GLIS1: variants seen among roughly 807,000 people sequenced by gnomAD.
GLIS1 encodes GLIS family zinc finger 1.
In GLIS1, 24 loss-of-function variants were observed where a neutral mutation model predicts 63.8. The observed-to-expected ratio is 0.38, with a 90% CI of 0.27 to 0.53. GLIS1 has a LOEUF of 0.53. GLIS1 is among the 20% of genes least tolerant of loss of function. The probability of loss-of-function intolerance (pLI) is 0.85; values close to 1 mark genes in which losing one functional copy is unlikely to be tolerated. For missense variants in GLIS1, 1,036 were observed against 1,074.1 expected (o/e 0.96, Z 0.50); for synonymous variants, 450 against 482.5 (o/e 0.93, Z 0.88).
chr1:53,580,200 G>A (rs1289115675), intron 4 of GLIS1, among the ~76,000 whole-genome samples: 1 of 152,094 alleles, frequency 6.6e-6, no homozygotes, highest in East Asian at 1.9e-4. Context: ...TGCCCCCATG[G>A]GTAGAGCCAT....
rs187488502 is a variant in GLIS1 at position 53,623,742 on chromosome 1, T to C, written c.260-23464A>G. 2.6e-5 allele frequency among the ~76,000 whole-genome samples: 4 copies of C among 152,232 alleles called. No homozygotes were observed. In the East Asian group the frequency reaches 5.8e-4, roughly 22 times the overall value. The stretch of plus-strand genomic sequence containing the variant: ...TAAAATGAATTTTAATTCTCTATAC[T>C]AGAGGAAATAACAGGAAGATGGGAT... On this transcript the variant is annotated intron_variant, in intron 2 of 10. Transcript: ENST00000628545.
intron 4 of GLIS1, among the ~76,000 whole-genome samples, chr1:53,578,928 GTACCATT>G (rs1645058187): frequency 1.3e-5 from 2 of 152,064 alleles, no homozygotes; most frequent in Non-Finnish European, 2.9e-5. Flanking sequence ...AAGAAAACAT[GTACCATT>G]CTGCAAGCAG....
intron 8 of GLIS1, among the ~76,000 whole-genome samples, chr1:53,512,695 C>T (rs920817917): frequency 2.6e-5 from 4 of 152,146 alleles, no homozygotes; most frequent in Non-Finnish European, 2.9e-5. Flanking sequence ...GGTGGGCAGG[C>T]GGGGGTCCCG....
intron 2 of GLIS1, among the ~76,000 whole-genome samples, chr1:53,679,696 G>T (rs1433716411): frequency 6.6e-6 from 1 of 152,202 alleles, no homozygotes; most frequent in Non-Finnish European, 1.5e-5. Context: ...CGGGCCCCTT[G>T]GCTGCTCTGA....
chr1:53,642,991 G>A (rs973933533), intron 2 of GLIS1, among the ~76,000 whole-genome samples: 4 of 152,264 alleles, frequency 2.6e-5, no homozygotes, highest in African/African-American at 4.8e-5. Flanking sequence ...GTGTTCTATC[G>A]CTGTCAAACC....
chr1:53,706,560 C>T (rs1646581084), intron 2 of GLIS1, among the ~76,000 whole-genome samples: 1 of 152,216 alleles, frequency 6.6e-6, no homozygotes, highest in South Asian at 2.1e-4. Flanking sequence ...GGGGTGACTC[C>T]ACCTTCAAGG....
chr1:53,595,880 G>A (rs1645250771), intron 3 of GLIS1, among the ~76,000 whole-genome samples: 1 of 152,184 alleles, frequency 6.6e-6, no homozygotes, highest in Non-Finnish European at 1.5e-5. Context: ...GCTTCTGAGG[G>A]GTCCCAGGGT....
intron 6 of GLIS1, among the ~76,000 whole-genome samples, chr1:53,522,986 C>CTTTTTCTTTTTCTTT (rs760283252): frequency 8.9e-4 from 39 of 43,676 alleles, no homozygotes; most frequent in South Asian, 2.6e-3. Flanking sequence ...TCTTTTCTTT[C>CTTTTTCTTTTTCTTT]TTTTTTTTTT....
chr1:53,726,637 C>A (rs552619575), intron 2 of GLIS1, among the ~76,000 whole-genome samples: 1 of 152,056 alleles, frequency 6.6e-6, no homozygotes, highest in Non-Finnish European at 1.5e-5. Context: ...ACAGGCTGAA[C>A]AAGCATCTTG....
chr1:53,657,891 T>C (rs1223106794), intron 2 of GLIS1, among the ~76,000 whole-genome samples: 1 of 152,140 alleles, frequency 6.6e-6, no homozygotes, highest in Non-Finnish European at 1.5e-5. Flanking sequence ...CCTTGCCCCT[T>C]CTCTGCACCC....
At chr1:53,630,588 C>A (rs1486214242) in intron 2 of GLIS1, among the ~76,000 whole-genome samples, 1 of 152,000 alleles carries the variant, frequency 6.6e-6, no homozygotes, top group Non-Finnish European at 1.5e-5. Context: ...CTCTGCCTCC[C>A]GGGTTCAAGC....
At chr1:53,556,780 C>A (rs1031929184) in intron 4 of GLIS1, among the ~76,000 whole-genome samples, 3 of 132,798 alleles carry the variant, frequency 2.3e-5, no homozygotes, top group African/African-American at 8.9e-5. Context: ...AGGCATACTG[C>A]AGGTATGTGT....
chr1:53,514,580 TCCC>T, intron 8 of GLIS1, 42 bp downstream of exon 8: 1 of 1,588,876 alleles, frequency 6.3e-7, no homozygotes, highest in South Asian at 1.1e-5. Context: ...CCCCCCGAGA[TCCC>T]CCCTTGTTGC....
intron 5 of GLIS1, among the ~76,000 whole-genome samples, chr1:53,529,521 C>T (rs534856996): frequency 1.2e-4 from 18 of 152,324 alleles, no homozygotes; most frequent in African/African-American, 4.3e-4. Context: ...GGTTTGCCTC[C>T]CCTCACCCCC....
At chr1:53,618,076 G>C (rs894728414) in intron 2 of GLIS1, among the ~76,000 whole-genome samples, 3 of 152,236 alleles carry the variant, frequency 2.0e-5, no homozygotes, top group Admixed American at 6.5e-5. Flanking sequence ...GGAGAGTGCA[G>C]GGCTGACTCC....
chr1:53,557,761 A>G (rs1439694540), intron 4 of GLIS1, among the ~76,000 whole-genome samples: 2 of 152,198 alleles, frequency 1.3e-5, no homozygotes, highest in African/African-American at 2.4e-5. Context: ...GGGTAAATAT[A>G]TATCTTCTTT....
At chr1:53,612,180 A>C (rs531763185) in intron 2 of GLIS1, among the ~76,000 whole-genome samples, 7 of 152,284 alleles carry the variant, frequency 4.6e-5, no homozygotes, top group African/African-American at 1.7e-4. Context: ...TTTACCCCTT[A>C]GCCTGTGCCA....
At chr1:53,595,375 C>T (rs2100535662) in intron 3 of GLIS1, among the ~76,000 whole-genome samples, 1 of 152,196 alleles carries the variant, frequency 6.6e-6, no homozygotes, top group South Asian at 2.1e-4. Context: ...TACAAATTAG[C>T]CAGGTGTGGT....
At chr1:53,738,932 G>A (rs1646940406) in intron 1 of GLIS1, among the ~76,000 whole-genome samples, 173 bp downstream of exon 1, 1 of 152,156 alleles carries the variant, frequency 6.6e-6, no homozygotes, top group Non-Finnish European at 1.5e-5. Flanking sequence ...GATGGGGGCC[G>A]CGACAGAGCC....
Sources: allele counts gnomAD v4.1 joint callset (sites outside exome capture counted in the v4.1 genomes callset), GRCh38; gene constraint gnomAD v4.1.1; transcripts MANE v1.5; gene names NCBI Gene and HGNC (gene_info 2026-07-23, HGNC 2026-07-21).